The following UBASH3A variants were observed in gnomAD, a reference collection of about 807,000 sequenced individuals.
The protein encoded by UBASH3A is ubiquitin-associated and SH3 domain-containing protein A.
UBASH3A carries 63 observed loss-of-function variants against 73.5 expected under a neutral mutation model. The ratio of observed to expected loss-of-function variants is 0.86; its 90% CI spans 0.70 to 1.06. The LOEUF (loss-of-function observed/expected upper bound fraction) is 1.06, where lower values mean the gene tolerates loss of function less well. UBASH3A is among the 50% of genes least tolerant of loss of function. The pLI, the probability that UBASH3A is intolerant of heterozygous loss-of-function variation, is 0.00. For missense variants in UBASH3A, 860 were observed against 859.0 expected (o/e 1.00, Z -0.02); for synonymous variants, 363 against 351.1 (o/e 1.03, Z -0.38).
intron 9 of UBASH3A, among the ~76,000 whole-genome samples, chr21:42,434,163 G>T (rs139178256): frequency 6.6e-6 from 1 of 152,218 alleles, no homozygotes; most frequent in Non-Finnish European, 1.5e-5. Context: ...CTGACACCTC[G>T]CAATCGCTAC....
At position 42,443,329 on chromosome 21, in the gene UBASH3A, C is replaced by T; in HGVS notation, c.1649C>T (p.Ser550Phe). Reference protein sequence around the residue: ...DTDYRPAFPLSALMPAESYQE... With the variant: ...DTDYRPAFPLFALMPAESYQE... ...CCTTCCAGGCCCGCGTTTCCCCTGT[C>T]CGCCCTCATGCCGGCCGAGAGCTAC... The change falls in exon 13 of 15, where the codon TCC becomes TTC. Residue 550 changes from serine to phenylalanine, a missense_variant. Ser to Phe is a radical substitution (Grantham distance 155). Transcript: ENST00000319294. The T allele has an allele frequency of 6.2e-7, 1 of 1,613,406 alleles. No homozygotes were observed. The highest frequency in any genetic ancestry group is 8.5e-7 in the Non-Finnish European group (1 of 1,179,652).
In UBASH3A at chr21:42,418,115, C is replaced by T. The variant is rs548030017; in HGVS notation, c.838-286C>T. On this transcript the variant is annotated intron_variant, in intron 6 of 14. Coordinates refer to ENST00000319294, the MANE Select transcript of UBASH3A (RefSeq NM_018961.4). ...GCCAGGCTGGTCTCAAACTCCTGAC[C>T]TTGTGATCCACCCACCTCGGCCTTC... Among the ~76,000 whole-genome samples the T allele has an allele frequency of 2.1e-3, 326 of 152,202 alleles. 1 individual carries two copies. The highest frequency in any genetic ancestry group is 6.6e-3 in the African/African-American group (274 of 41,530).
intron 2 of UBASH3A, 82 bp from the exon 3 acceptor site, chr21:42,409,340 T>A (rs1434243253): frequency 7.2e-7 from 1 of 1,393,472 alleles, no homozygotes; most frequent in East Asian, 2.3e-5. Context: ...ATTGCTGTCA[T>A]TGTCATTCTG....
At chr21:42,408,836 T>C (rs9984852) in intron 2 of UBASH3A, among the ~76,000 whole-genome samples, 25,159 of 149,912 alleles carry the variant, frequency 0.17, 2,663 homozygotes, top group Middle Eastern at 0.25. Flanking sequence ...TGAGCTGAGA[T>C]TGTGCCACTG....
intron 11 of UBASH3A, among the ~76,000 whole-genome samples, chr21:42,441,889 C>G (rs1004969753): frequency 6.6e-6 from 1 of 152,202 alleles, no homozygotes. Flanking sequence ...AAAGAGATGG[C>G]CTTACTTTAT....
Position 42,416,474 on chromosome 21 carries a change from C to A in UBASH3A, c.700C>A (p.His234Asn). The part of the protein sequence containing the change: ...CSVKPCTKQL[H>N]LTLAHKFYPH... Reference sequence around the variant, plus strand: ...CGTGAAGCCTTGCACCAAACAGCTGCATCTGACCTTGGCCCACAAGTTCTA... The same window carrying A: ...CGTGAAGCCTTGCACCAAACAGCTGAATCTGACCTTGGCCCACAAGTTCTA... Residue 234 changes from histidine to asparagine, a missense_variant, in exon 6 of 15, where the codon CAT becomes AAT. Physicochemically the swap from His to Asn is moderately conservative, Grantham distance 68. Transcript: ENST00000319294. 1 of 1,600,102 alleles carries A rather than the reference C, an allele frequency of 6.2e-7. No individual in the cohort carries two copies. The highest frequency in any genetic ancestry group is 8.5e-7 in the Non-Finnish European group (1 of 1,173,796).
At chr21:42,441,485 G>T (rs545794165) in intron 11 of UBASH3A, among the ~76,000 whole-genome samples, 3 of 144,618 alleles carry the variant, frequency 2.1e-5, no homozygotes, top group South Asian at 2.4e-4. Context: ...GTTGATGGAG[G>T]AGGACTTGGG....
intron 11 of UBASH3A, among the ~76,000 whole-genome samples, chr21:42,440,694 C>T (rs1354870491): frequency 6.6e-6 from 1 of 152,250 alleles, no homozygotes; most frequent in Non-Finnish European, 1.5e-5. Context: ...AGGCCAGCAA[C>T]AACAGTCTCC....
At chr21:42,418,340 G>T in intron 6 of UBASH3A, 61 bp from the exon 7 acceptor site, 1 of 1,496,544 alleles carries the variant, frequency 6.7e-7, no homozygotes, top group Non-Finnish European at 9.3e-7. Flanking sequence ...GCCTCCTATT[G>T]CTGCCATTTT....
intron 2 of UBASH3A, among the ~76,000 whole-genome samples, chr21:42,407,955 T>G (rs551930897): frequency 2.6e-5 from 4 of 152,360 alleles, no homozygotes; most frequent in Admixed American, 1.3e-4. Context: ...TAGACACGTG[T>G]GTATCAACAG....
At chr21:42,432,583 G>A (rs1174159649) in intron 9 of UBASH3A, among the ~76,000 whole-genome samples, 1 of 152,154 alleles carries the variant, frequency 6.6e-6, no homozygotes, top group Non-Finnish European at 1.5e-5. Flanking sequence ...GATGATCAAT[G>A]TCCACATCAA....
At chr21:42,415,512 C>T (rs34602288) in intron 5 of UBASH3A, among the ~76,000 whole-genome samples, 53,893 of 152,040 alleles carry the variant, frequency 0.35, 10,098 homozygotes, top group African/African-American at 0.46. Context: ...TTGCATCAAC[C>T]TTGACCTTTT....
In UBASH3A at chr21:42,432,201, T is replaced by A; in HGVS notation, c.1269T>A (p.Asp423Glu). ...KAWLQQCSTP[D>E]GKYYRPDLNF... is the part of the protein sequence containing the mutation. ...GGCTGCAGCAATGCTCCACTCCTGA[T>A]GGTAGGTCACACTCAGGCGGGTCTA... is the stretch of plus-strand genomic sequence containing the variant. The change falls in exon 9 of 15, where the codon GAT becomes GAA. Residue 423 changes from aspartate (D) to glutamate (E), a missense_variant and splice_region_variant. Coordinates refer to ENST00000319294, the MANE Select transcript of UBASH3A (RefSeq NM_018961.4). 1 of 1,606,604 alleles carries A rather than the reference T, an allele frequency of 6.2e-7. No individual in the cohort carries two copies. Among genetic ancestry groups the A allele is most frequent in the Non-Finnish European group, 8.5e-7 (1 of 1,173,688 alleles).
In UBASH3A at chr21:42,435,494, A is replaced by G. The variant is rs151329103; in HGVS notation, c.1393+540A>G. The G allele has an allele frequency of 3.0e-3, 461 of 152,874 alleles. 1 individual carries two copies. The highest frequency in any genetic ancestry group is 5.2e-3 in the Non-Finnish European group (359 of 68,438). 9.5% of individuals were successfully genotyped at this position (152,874 alleles called of 1,614,324 possible). ...AGAGACCCCCACGGCCCACTCGCCC[A>G]GGGCCCCACTCAGAGGTGTGCTCAG... On this transcript the variant is annotated intron_variant, in intron 10 of 14. Coordinates refer to ENST00000319294, the MANE Select transcript of UBASH3A (RefSeq NM_018961.4).
intron 5 of UBASH3A, among the ~76,000 whole-genome samples, chr21:42,414,871 AG>A (rs1326483592): frequency 2.6e-5 from 4 of 152,222 alleles, no homozygotes; most frequent in Non-Finnish European, 4.4e-5. Flanking sequence ...CTGGCGGAGC[AG>A]GGACCTGAAC....
chr21:42,426,665 T>A lies in UBASH3A; in HGVS notation c.1047-32T>A, dbSNP rs773950467. Reference sequence around the variant, plus strand: ...TCCATGGCAACAACATGGTCTCACTTCTGTTCAAGCCGTGCTTTCCTTCCC... The same window carrying A: ...TCCATGGCAACAACATGGTCTCACTACTGTTCAAGCCGTGCTTTCCTTCCC... On this transcript the variant is annotated intron_variant, in intron 7 of 14. Transcript: ENST00000319294. 1.9e-6 allele frequency: 3 copies of A among 1,611,266 alleles called. No homozygotes were observed. The South Asian group carries it at 3.3e-5, about 18-fold the overall frequency.
In UBASH3A at chr21:42,443,388, G is replaced by C. The variant is rs146744279; in HGVS notation, c.1708G>C (p.Val570Leu). ...EYMDRCTASM[V>L]QIVNTCPQDT... ...CATGGACAGGTGCACGGCGAGCATG[G>C]TGCAAATCGTCAACACCTGTCCACA... The change falls in exon 13 of 15, where the codon GTG (valine) becomes CTG (leucine). Residue 570 changes from valine (V) to leucine (L), a missense_variant. Transcript: ENST00000319294. 2 of 1,612,594 alleles carry C rather than the reference G, an allele frequency of 1.2e-6. No individual in the cohort carries two copies. The highest frequency in any genetic ancestry group is 1.7e-6 in the Non-Finnish European group (2 of 1,179,362).
At chr21:42,424,749 T>C (rs572386282) in intron 7 of UBASH3A, among the ~76,000 whole-genome samples, 5 of 152,226 alleles carry the variant, frequency 3.3e-5, no homozygotes, top group Non-Finnish European at 7.4e-5. Flanking sequence ...CATTCATATG[T>C]GGAGGTCCTG....
intron 11 of UBASH3A, 127 bp downstream of exon 11, chr21:42,437,707 G>A (rs532962895): frequency 3.6e-5 from 29 of 804,432 alleles, no homozygotes; most frequent in Non-Finnish European, 5.1e-5. Flanking sequence ...AAGTCATCAG[G>A]CAAGTACGAG....
Sources: gnomAD v4.1 joint callset for allele counts (sites outside exome capture counted in the v4.1 genomes callset) on GRCh38, gnomAD v4.1.1 for gene constraint, MANE v1.5 for transcripts, NCBI Gene and HGNC (gene_info 2026-07-23, HGNC 2026-07-21) for gene names.